ACSS1: variants seen among roughly 807,000 people sequenced by gnomAD.
ACSS1 encodes acyl-CoA synthetase short chain family member 1.
A neutral mutation model predicts 75.3 loss-of-function variants in ACSS1; 42 were observed. The observed-to-expected ratio is 0.56, with a 90% CI of 0.44 to 0.72. The LOEUF is 0.72. Ranked by LOEUF, ACSS1 falls within the 30% of genes least tolerant of loss-of-function variation. The pLI, the probability that ACSS1 is intolerant of heterozygous loss-of-function variation, is 0.00. For missense variants in ACSS1, 782 were observed against 935.7 expected (o/e 0.84, Z 2.14); for synonymous variants, 380 against 376.8 (o/e 1.01, Z -0.10).
intron 2 of ACSS1, among the ~76,000 whole-genome samples, chr20:25,033,769 G>A (rs954617079): frequency 2.6e-5 from 4 of 152,228 alleles, no homozygotes; most frequent in Admixed American, 1.3e-4. Flanking sequence ...ACAGCCACTG[G>A]GGGTGGCAGG....
intron 1 of ACSS1, among the ~76,000 whole-genome samples, chr20:25,053,127 G>A (rs1006366979): frequency 6.8e-6 from 1 of 146,058 alleles, no homozygotes; most frequent in Non-Finnish European, 1.5e-5. Context: ...GCGCTGGCGT[G>A]ATCTCAGCTC....
chr20:25,007,205 T>C lies in ACSS1; in HGVS notation c.*557A>G. 8.2e-7 allele frequency: 1 copy of C among 1,221,594 alleles called. No individual in the cohort carries two copies. The highest frequency in any genetic ancestry group is 1.0e-6 in the Non-Finnish European group (1 of 976,670). 75.7% of individuals were successfully genotyped at this position (1,221,594 alleles called of 1,614,324 possible). ...ACTAACAATAATTAAAAATGTGGCC[T>C]CTGATCCTCATGTTTCCTCACCAGT... On this transcript the variant is annotated 3_prime_UTR_variant, in exon 14 of 14. Coordinates refer to ENST00000323482, the MANE Select transcript of ACSS1 (RefSeq NM_032501.4).
In ACSS1 at chr20:25,037,001, AAAGAAAGG is replaced by A. The variant is rs1475878833; in HGVS notation, c.432-6051_432-6044del. ...AAAGAAAGAAAAAGAAAGAAAGAAG[AAAGAAAGG>A]AAGGAAGGAAGGAAGGAAGGAAAGA... On this transcript the variant is annotated intron_variant, in intron 2 of 13. Coordinates refer to ENST00000323482, the MANE Select transcript of ACSS1 (RefSeq NM_032501.4). Among the ~76,000 whole-genome samples, 115 of 76,392 alleles carry A rather than the reference AAAGAAAGG, an allele frequency of 1.5e-3. 1 individual carries two copies. The Middle Eastern group carries it at 0.042, about 28-fold the overall frequency. The allele number at this position is 76,392 out of a possible 152,430, so 50.1% of individuals were successfully genotyped here. A position where few individuals can be genotyped will look rare whatever the true frequency, so the allele number is the denominator to read the frequency against.
In ACSS1 at chr20:25,013,961, C is replaced by T. The variant is rs1176585813; in HGVS notation, c.1452G>A (p.Lys484=). The change falls in exon 9 of 14, where the codon AAG becomes AAA. Residue 484 remains lysine (K), a splice_region_variant and synonymous_variant. Coordinates refer to ENST00000323482, the MANE Select transcript of ACSS1 (RefSeq NM_032501.4). ...CCATGTGGGGGAGGCCCATACACAC[C>T]TTCTCATCCATGAGGACGGGGACGA... is the stretch of plus-strand genomic sequence containing the variant. ...FGIVPVLMDE[K]GSVVEGSNVS... The T allele has an allele frequency of 2.0e-5, 32 of 1,613,140 alleles. No homozygotes were observed. Among genetic ancestry groups the T allele is most frequent in the Non-Finnish European group, 2.6e-5 (31 of 1,179,574 alleles).
chr20:25,009,530 T>C, intron 12 of ACSS1, 142 bp from the exon 13 acceptor site: 3 of 701,012 alleles, frequency 4.3e-6, no homozygotes, highest in East Asian at 2.5e-5. Flanking sequence ...CTGGTTTCTT[T>C]AGTTGCAAAC....
intron 10 of ACSS1, 71 bp from the exon 11 acceptor site, chr20:25,013,010 T>A: frequency 6.2e-7 from 1 of 1,605,796 alleles, no homozygotes; most frequent in Non-Finnish European, 8.5e-7. Context: ...TCAGTAAGCG[T>A]GAAGCTCTGC....
intron 3 of ACSS1, among the ~76,000 whole-genome samples, chr20:25,024,833 C>CCAGCACACA (rs1332933408): frequency 6.6e-6 from 1 of 152,212 alleles, no homozygotes; most frequent in African/African-American, 2.4e-5. Context: ...TGAGAATTTT[C>CCAGCACACA]CAGCACACAC....
intron 3 of ACSS1, 74 bp downstream of exon 3, chr20:25,030,670 TCTGATGGTCTCTACA>T: frequency 7.0e-7 from 1 of 1,430,638 alleles, no homozygotes. Context: ...ATGTCTGCAC[TCTGATGGTCTCTACA>T]CTGATGGCCA....
intron 2 of ACSS1, among the ~76,000 whole-genome samples, chr20:25,039,310 G>A (rs2088964830): frequency 6.6e-6 from 1 of 152,194 alleles, no homozygotes; most frequent in Admixed American, 6.5e-5. Flanking sequence ...CAGCTCCTCA[G>A]TATCAGAACC....
At chr20:25,034,129 G>A (rs1018635186) in intron 2 of ACSS1, among the ~76,000 whole-genome samples, 13 of 152,300 alleles carry the variant, frequency 8.5e-5, no homozygotes, top group South Asian at 2.1e-4. Context: ...ATCCTTGGAC[G>A]TCAGGCGGTG....
In ACSS1 at chr20:25,009,391, GA is replaced by G. The variant is rs769708482; in HGVS notation, c.1772-4del. 6.2e-7 allele frequency: 1 copy of G among 1,612,300 alleles called. No individual in the cohort carries two copies. The highest frequency in any genetic ancestry group is 1.1e-5 in the South Asian group (1 of 91,038). On this transcript the variant is annotated splice_region_variant and splice_polypyrimidine_tract_variant and intron_variant, in intron 12 of 13. Coordinates refer to ENST00000323482, the MANE Select transcript of ACSS1 (RefSeq NM_032501.4). ...CACCACAATGAAGGCAAAGGCAGCT[GA>G]AAATAAAGCCAAGTTTGGGGATGTA...
At chr20:25,048,317 G>C in intron 1 of ACSS1, 136 bp from the exon 2 acceptor site, 1 of 668,564 alleles carries the variant, frequency 1.5e-6, no homozygotes, top group Non-Finnish European at 2.6e-6. Flanking sequence ...GTCCTCATCA[G>C]TGATGATGTT....
chr20:25,038,460 G>A (rs1026069380), intron 2 of ACSS1, among the ~76,000 whole-genome samples: 34 of 152,322 alleles, frequency 2.2e-4, no homozygotes, highest in African/African-American at 8.2e-4. Context: ...CATAATGACT[G>A]CAGAAAATAC....
At chr20:25,052,066 T>C (rs932583880) in intron 1 of ACSS1, among the ~76,000 whole-genome samples, 1 of 152,134 alleles carries the variant, frequency 6.6e-6, no homozygotes, top group Non-Finnish European at 1.5e-5. Context: ...TGGGGGACAG[T>C]GGCCCTAACA....
At chr20:25,034,757 G>A (rs956432603) in intron 2 of ACSS1, among the ~76,000 whole-genome samples, 1 of 151,942 alleles carries the variant, frequency 6.6e-6, no homozygotes, top group African/African-American at 2.4e-5. Flanking sequence ...TAGTAGAGAC[G>A]GGGTTTCTCC....
chr20:25,032,092 C>T (rs1164962781), intron 2 of ACSS1, among the ~76,000 whole-genome samples: 1 of 152,144 alleles, frequency 6.6e-6, no homozygotes, highest in African/African-American at 2.4e-5. Context: ...GGACCATGGA[C>T]AAGGGGAAGG....
chr20:25,012,444 C>G, intron 12 of ACSS1, 157 bp downstream of exon 12: 1 of 907,462 alleles, frequency 1.1e-6, no homozygotes, highest in Non-Finnish European at 1.7e-6. Flanking sequence ...ATTCAGCCTC[C>G]TCCCCTACAG....
At chr20:25,023,684 A>G in intron 3 of ACSS1, 43 bp from the exon 4 acceptor site, 1 of 1,532,510 alleles carries the variant, frequency 6.5e-7, no homozygotes, top group African/African-American at 1.4e-5. Context: ...TCTCCTCCCG[A>G]CTTTAACCCT....
At position 25,034,358 on chromosome 20, in the gene ACSS1, A is replaced by G. The variant is rs373765835; in HGVS notation, c.432-3400T>C. On this transcript the variant is annotated intron_variant, in intron 2 of 13. Transcript: ENST00000323482. ...CTTTAAAGCTTCCCAGAATAAATCT[A>G]ATTTCTCAATGACAGCCCTTCAAAT... Among the ~76,000 whole-genome samples the G allele has an allele frequency of 2.6e-5, 4 of 152,212 alleles. No homozygotes were observed. In the South Asian group the frequency reaches 6.2e-4, roughly 24 times the overall value.
Sources: gnomAD v4.1 joint callset for allele counts (sites outside exome capture counted in the v4.1 genomes callset) on GRCh38, gnomAD v4.1.1 for gene constraint, MANE v1.5 for transcripts, NCBI Gene and HGNC (gene_info 2026-07-23, HGNC 2026-07-21) for gene names.